PEX7: variants seen among roughly 807,000 people sequenced by gnomAD.
PEX7 encodes the protein PTS2 receptor.
PEX7 carries 34 observed loss-of-function variants against 47.5 expected under a neutral mutation model. That is an observed-to-expected ratio of 0.72 (90% CI 0.54 to 0.95). PEX7 has a LOEUF of 0.95. Among genes scored for constraint, PEX7 ranks in the 40% least tolerant of loss-of-function variants. PEX7 has a pLI of 0.00. For synonymous variants in PEX7, 141 were observed against 148.8 expected (o/e 0.95, Z 0.38); for missense variants, 394 against 400.3 (o/e 0.98, Z 0.13).
intron 3 of PEX7, among the ~76,000 whole-genome samples, chr6:136,839,191 GAAAA>G (rs1774449422): frequency 6.6e-6 from 1 of 151,228 alleles, no homozygotes. Context: ...TCTCAAAAGA[GAAAA>G]AAAAGAGAAA....
chr6:136,832,920 C>A (rs184529377), intron 3 of PEX7, among the ~76,000 whole-genome samples: 4 of 152,346 alleles, frequency 2.6e-5, no homozygotes, highest in Admixed American at 2.0e-4. Flanking sequence ...TTTAAGAAGT[C>A]TTTAAGAATT....
chr6:136,905,749 A>G (rs1000499481), intron 9 of PEX7, among the ~76,000 whole-genome samples: 8 of 152,126 alleles, frequency 5.3e-5, no homozygotes, highest in Admixed American at 2.6e-4. Flanking sequence ...GTATAATTCT[A>G]TGCTAGTGAT....
chr6:136,822,836 G>A (rs1774105014), intron 1 of PEX7, 41 bp downstream of exon 1: 7 of 1,212,684 alleles, frequency 5.8e-6, no homozygotes, highest in Middle Eastern at 6.3e-4. Context: ...GGGCGGAGGC[G>A]GAGGCGGGGG....
intron 1 of PEX7, chr6:136,823,339 C>G: frequency 1.0e-6 from 1 of 985,426 alleles, no homozygotes; most frequent in Non-Finnish European, 1.2e-6. Flanking sequence ...AAGTTCAGTT[C>G]TTACCTGTAG....
chr6:136,862,033 T>TTTATATATATTATATATATATATA (rs1562741989), intron 5 of PEX7, among the ~76,000 whole-genome samples: 4 of 143,626 alleles, frequency 2.8e-5, no homozygotes, highest in Non-Finnish European at 6.1e-5. Context: ...ATATATATAT[T>TTTATATATATTATATATATATATA]TTATATATAT....
chr6:136,894,539 G>A (rs1473504690), intron 8 of PEX7, among the ~76,000 whole-genome samples: 8 of 152,078 alleles, frequency 5.3e-5, no homozygotes, highest in East Asian at 1.9e-4. Flanking sequence ...GCAGTGAGCC[G>A]AGATCGCGCC....
chr6:136,866,838 A>G, intron 6 of PEX7, 105 bp downstream of exon 6: 2 of 915,020 alleles, frequency 2.2e-6, no homozygotes, highest in South Asian at 2.8e-5. Context: ...TTCCTGGACC[A>G]TTAAGTTAAA....
intron 7 of PEX7, among the ~76,000 whole-genome samples, 187 bp from the exon 8 acceptor site, chr6:136,872,011 G>A (rs1775190319): frequency 6.6e-6 from 1 of 152,016 alleles, no homozygotes; most frequent in African/African-American, 2.4e-5. Flanking sequence ...CCTGAAGATG[G>A]ATACTTATAA....
Position 136,822,662 on chromosome 6 carries a change from C to G in PEX7, c.-4C>G, listed in dbSNP as rs1774096562. 6.6e-7 allele frequency: 1 copy of G among 1,521,860 alleles called. No homozygotes were observed. Among genetic ancestry groups the G allele is most frequent in the Non-Finnish European group, 8.8e-7 (1 of 1,139,406 alleles). The allele number at this position is 1,521,860 out of a possible 1,614,324, so 94.3% of individuals were successfully genotyped here. On this transcript the variant is annotated 5_prime_UTR_variant, in exon 1 of 10. Transcript: ENST00000318471. ...GGCAGCGAGGGCCGGGGGCGGCGGGCGGGATGAGTGCGGTGTGCGGTGGAG... is the reference window on the plus strand; with the variant it reads ...GGCAGCGAGGGCCGGGGGCGGCGGGGGGGATGAGTGCGGTGTGCGGTGGAG...
chr6:136,824,431 G>A (rs1774151607), intron 1 of PEX7, among the ~76,000 whole-genome samples: 1 of 152,096 alleles, frequency 6.6e-6, no homozygotes, highest in South Asian at 2.1e-4. Flanking sequence ...GTCCGGAACT[G>A]GGTGCAAGCG....
chr6:136,898,061 T>C (rs1775682869), intron 8 of PEX7, 81 bp from the exon 9 acceptor site: 4 of 829,848 alleles, frequency 4.8e-6, no homozygotes, highest in Non-Finnish European at 8.3e-6. Context: ...ATCTTTGCTA[T>C]GTCAAATATC....
At chr6:136,850,917 G>GTTTTTTTTTT (rs35220728) in intron 5 of PEX7, among the ~76,000 whole-genome samples, 1 of 69,168 alleles carries the variant, frequency 1.4e-5, no homozygotes, top group African/African-American at 5.7e-5. Flanking sequence ...AAAACTGATG[G>GTTTTTTTTTT]TTTTTTTTTT....
chr6:136,835,913 A>T (rs1217614694), intron 3 of PEX7, among the ~76,000 whole-genome samples: 4 of 152,254 alleles, frequency 2.6e-5, no homozygotes, highest in Non-Finnish European at 5.9e-5. Flanking sequence ...TTTTAAATAG[A>T]TGGAAACTAT....
chr6:136,844,902 G>A (rs1774568064), intron 3 of PEX7, among the ~76,000 whole-genome samples: 1 of 152,148 alleles, frequency 6.6e-6, no homozygotes, highest in African/African-American at 2.4e-5. Flanking sequence ...TAACCTGCTG[G>A]CTGATCACCA....
intron 9 of PEX7, among the ~76,000 whole-genome samples, chr6:136,898,773 G>C (rs1431335248): frequency 6.6e-6 from 1 of 151,966 alleles, no homozygotes; most frequent in African/African-American, 2.4e-5. Flanking sequence ...TTGAGGACTT[G>C]AGAGTAGACA....
At chr6:136,841,032 C>T in intron 3 of PEX7, among the ~76,000 whole-genome samples, 1 of 152,148 alleles carries the variant, frequency 6.6e-6, no homozygotes, top group Non-Finnish European at 1.5e-5. Flanking sequence ...ATGTTTGCTG[C>T]TGCTAAAATA....
chr6:136,892,040 A>T (rs1426154851), intron 8 of PEX7, among the ~76,000 whole-genome samples: 1 of 152,232 alleles, frequency 6.6e-6, no homozygotes, highest in Non-Finnish European at 1.5e-5. Context: ...GAGTGATTAT[A>T]GAAAGAGAGT....
intron 4 of PEX7, 56 bp from the exon 5 acceptor site, chr6:136,846,017 A>G (rs1233922711): frequency 9.8e-7 from 1 of 1,023,668 alleles, no homozygotes; most frequent in Non-Finnish European, 1.5e-6. Context: ...TAGTATATGT[A>G]AAAGCATAAA....
intron 9 of PEX7, among the ~76,000 whole-genome samples, chr6:136,904,072 G>C (rs1381646577): frequency 2.6e-5 from 4 of 152,132 alleles, no homozygotes; most frequent in South Asian, 2.1e-4. Flanking sequence ...AAGTATTTAA[G>C]AATTCTTTAA....
Sources: gnomAD v4.1 joint callset for allele counts (sites outside exome capture counted in the v4.1 genomes callset) on GRCh38, gnomAD v4.1.1 for gene constraint, MANE v1.5 for transcripts, NCBI Gene and HGNC (gene_info 2026-07-23, HGNC 2026-07-21) for gene names.